Variants in CSMD1 observed in about 807,000 individuals in gnomAD.
CSMD1 encodes CUB and Sushi multiple domains 1.
CSMD1 carries 213 observed loss-of-function variants against 417.5 expected under a neutral mutation model. The observed-to-expected ratio is 0.51, with a 90% CI of 0.46 to 0.57. The LOEUF is 0.57. CSMD1 is among the 20% of genes least tolerant of loss of function. The pLI is 0.00. For missense variants in CSMD1, 6,923 were observed against 4,529.7 expected (o/e 1.53, Z -15.17); for synonymous variants, 2,862 against 1,736.8 (o/e 1.65, Z -16.11).
intron 1 of CSMD1, among the ~76,000 whole-genome samples, chr8:4,736,897 A>T (rs1810281437): frequency 6.6e-6 from 1 of 152,174 alleles, no homozygotes; most frequent in African/African-American, 2.4e-5. Flanking sequence ...AAATGTTATC[A>T]GCTGTCATCA....
intron 2 of CSMD1, among the ~76,000 whole-genome samples, chr8:4,458,067 TC>T (rs1486777711): frequency 1.3e-5 from 2 of 152,210 alleles, no homozygotes; most frequent in African/African-American, 4.8e-5. Context: ...AGGTACACAA[TC>T]CTTCATGTTT....
intron 3 of CSMD1, among the ~76,000 whole-genome samples, chr8:4,405,314 TTTTTTTCTC>T (rs1804932403): frequency 6.6e-6 from 1 of 151,710 alleles, no homozygotes; most frequent in Non-Finnish European, 1.5e-5. Context: ...TTCCACTTAG[TTTTTTTCTC>T]ATTTTTTTTT....
In CSMD1 at chr8:3,795,007, A is replaced by ATACATATCTATCATGTATAGCTATAG. The variant is rs1563086783; in HGVS notation, c.819-40966_819-40965insCTATAGCTATACATGATAGATATGTA. Among the ~76,000 whole-genome samples the ATACATATCTATCATGTATAGCTATAG allele has an allele frequency of 1.6e-3, 162 of 103,506 alleles. 6 individuals carry two copies. The highest frequency in any genetic ancestry group is 5.1e-3 in the African/African-American group (148 of 29,074). 67.9% of individuals were successfully genotyped at this position (103,506 alleles called of 152,430 possible). A position where few individuals can be genotyped will look rare whatever the true frequency, so the allele number is the denominator to read the frequency against. On this transcript the variant is annotated intron_variant, in intron 5 of 69. Coordinates refer to ENST00000635120, the MANE Select transcript of CSMD1 (RefSeq NM_033225.6). ...TATCTATCTATCATGTATAGCTATA[A>ATACATATCTATCATGTATAGCTATAG]ATACATATCTATCATATATAGCTAT...
intron 12 of CSMD1, among the ~76,000 whole-genome samples, chr8:3,451,596 T>C (rs959014949): frequency 1.3e-5 from 2 of 152,232 alleles, no homozygotes; most frequent in African/African-American, 4.8e-5. Context: ...TTCCTGTTTT[T>C]GTCAGGTTTG....
At chr8:3,380,268 G>C (rs1338216536) in intron 18 of CSMD1, among the ~76,000 whole-genome samples, 1 of 152,168 alleles carries the variant, frequency 6.6e-6, no homozygotes, top group African/African-American at 2.4e-5. Flanking sequence ...TGGAGAAACA[G>C]GAACACTTTT....
rs143417163 is a variant in CSMD1 at position 3,541,295 on chromosome 8, A to G, written c.1344+33650T>C. Among the ~76,000 whole-genome samples the G allele has an allele frequency of 8.7e-4, 132 of 152,330 alleles. No individual in the cohort carries two copies. The East Asian group carries it at 0.023, about 27-fold the overall frequency. ...GCAGGAACAGAAAACCAAATACTGC[A>G]TGTTCTCACTTATAAGTGGGAGCTG... On this transcript the variant is annotated intron_variant, in intron 10 of 69. Transcript: ENST00000635120.
At chr8:3,473,121 G>A (rs1341119638) in intron 11 of CSMD1, among the ~76,000 whole-genome samples, 2 of 152,116 alleles carry the variant, frequency 1.3e-5, no homozygotes, top group South Asian at 2.1e-4. Flanking sequence ...GACTTATACT[G>A]TCTATTCAAC....
rs1011464808 is a variant in CSMD1 at position 3,461,129 on chromosome 8, G to A, written c.1561+7583C>T. ...CCCACCATCAGATGCGGCCCTCATC[G>A]CTCTGCGGAACTGAGGCTGCTAGAG... is the stretch of plus-strand genomic sequence containing the variant. On this transcript the variant is annotated intron_variant, in intron 12 of 69. Transcript: ENST00000635120. 4.6e-5 allele frequency among the ~76,000 whole-genome samples: 7 copies of A among 152,288 alleles called. No individual in the cohort carries two copies. In the South Asian group the frequency reaches 6.2e-4, roughly 14 times the overall value.
rs6150441 is a variant in CSMD1 at position 3,388,896 on chromosome 8, TACACACACACACACACACACACACACAC to T, written c.2594-1242_2594-1215del. 4.9e-4 allele frequency among the ~76,000 whole-genome samples: 72 copies of T among 147,710 alleles called. 1 individual carries two copies. Among genetic ancestry groups the T allele is most frequent in the African/African-American group, 1.0e-3 (41 of 40,158 alleles). ...TCTACATACACACCACACACATGCA[TACACACACACACACACACACACACACAC>T]ACACACACACACACACATTCACTTT... On this transcript the variant is annotated intron_variant, in intron 17 of 69. Coordinates refer to ENST00000635120, the MANE Select transcript of CSMD1 (RefSeq NM_033225.6).
chr8:4,360,360 G>A (rs548192600), intron 3 of CSMD1, among the ~76,000 whole-genome samples: 2 of 152,142 alleles, frequency 1.3e-5, no homozygotes, highest in African/African-American at 2.4e-5. Context: ...ATTAACACAT[G>A]CCTCTTTACC....
intron 2 of CSMD1, among the ~76,000 whole-genome samples, chr8:4,420,433 G>A (rs912539476): frequency 4.6e-5 from 7 of 151,966 alleles, no homozygotes; most frequent in Non-Finnish European, 7.4e-5. Flanking sequence ...TTATTAGGTA[G>A]GTGAAGGTGC....
chr8:4,437,388 G>A (rs6558882), intron 2 of CSMD1, among the ~76,000 whole-genome samples: 4,338 of 152,192 alleles, frequency 0.029, 221 homozygotes, highest in African/African-American at 0.098. Flanking sequence ...ACAACTTACT[G>A]TAATCATGAC....
intron 1 of CSMD1, among the ~76,000 whole-genome samples, chr8:4,647,077 G>A (rs1175936771): frequency 6.6e-6 from 1 of 152,110 alleles, no homozygotes; most frequent in Admixed American, 6.5e-5. Flanking sequence ...CAGTTCTTAA[G>A]GGGTGTTTTA....
At chr8:4,415,507 CT>C (rs1280977469) in intron 3 of CSMD1, among the ~76,000 whole-genome samples, 2 of 152,190 alleles carry the variant, frequency 1.3e-5, no homozygotes, top group African/African-American at 4.8e-5. Context: ...TAGACCTGCT[CT>C]TTCCCTTGCT....
chr8:3,201,587 A>G, intron 32 of CSMD1, 25 bp downstream of exon 32: 1 of 1,427,004 alleles, frequency 7.0e-7, no homozygotes, highest in Non-Finnish European at 9.7e-7. Context: ...GAACTAAATT[A>G]AGGGCAAAAT....
At chr8:4,213,854 C>T (rs541056803) in intron 3 of CSMD1, among the ~76,000 whole-genome samples, 1 of 152,110 alleles carries the variant, frequency 6.6e-6, no homozygotes, top group African/African-American at 2.4e-5. Flanking sequence ...AGTGTTTAGG[C>T]TGAGAATCAG....
At position 3,409,522 on chromosome 8, in the gene CSMD1, G is replaced by C. The variant is rs1812548311; in HGVS notation, c.1645C>G (p.Leu549Val). The change falls in exon 13 of 70, where the codon CTC (leucine) becomes GTC (valine). Residue 549 changes from leucine (L) to valine (V), a missense_variant. By Grantham distance (32) the Leu-to-Val change is conservative (BLOSUM62 1). Transcript: ENST00000635120. ...TGSSFLHGDT[L>V]TFECPAAFEL... ...AAGGCCGCCGGGCATTCAAAGGTGA[G>C]TGTATCTCCATGGAGGAAACTGCTG... 1.2e-6 allele frequency: 2 copies of C among 1,611,444 alleles called. No homozygotes were observed. Among genetic ancestry groups the C allele is most frequent in the Non-Finnish European group, 1.7e-6 (2 of 1,178,884 alleles).
intron 1 of CSMD1, among the ~76,000 whole-genome samples, chr8:4,960,749 T>C (rs1809422300): frequency 6.6e-6 from 1 of 152,180 alleles, no homozygotes; most frequent in South Asian, 2.1e-4. Flanking sequence ...AATTCCTTTA[T>C]AAGGGTACAC....
chr8:4,130,251 C>T (rs1223584732), intron 3 of CSMD1, among the ~76,000 whole-genome samples: 1 of 152,050 alleles, frequency 6.6e-6, no homozygotes, highest in Non-Finnish European at 1.5e-5. Context: ...GTTTGGAGAG[C>T]CAAGGATGTC....
Sources: allele counts gnomAD v4.1 joint callset (sites outside exome capture counted in the v4.1 genomes callset), GRCh38; gene constraint gnomAD v4.1.1; transcripts MANE v1.5; gene names NCBI Gene and HGNC (gene_info 2026-07-23, HGNC 2026-07-21).